TRPM1: variants seen among roughly 807,000 people sequenced by gnomAD.
The protein encoded by TRPM1 is transient receptor potential cation channel subfamily M member 1, also known as TRPM1-203 APA Isoform, Intron 10.
Under a neutral mutation model 149.4 loss-of-function variants are expected in TRPM1, and 113 were observed. That is an observed-to-expected ratio of 0.76 (90% CI 0.65 to 0.88). TRPM1 has a LOEUF of 0.88. Ranked by LOEUF, TRPM1 falls within the 40% of genes least tolerant of loss-of-function variation. TRPM1 has a pLI of 0.00. For missense variants in TRPM1, 1,976 were observed against 2,038.7 expected, an observed-to-expected ratio of 0.97 and a Z score of 0.59; for synonymous variants, 741 against 759.5, an observed-to-expected ratio of 0.98 and a Z score of 0.40.
At chr15:31,144,819 A>G (rs762119868) in intron 1 of TRPM1, among the ~76,000 whole-genome samples, 11 of 150,834 alleles carry the variant, frequency 7.3e-5, no homozygotes, top group South Asian at 6.3e-4. Flanking sequence ...GGGTTCAAGC[A>G]ATTCTCCTGC....
chr15:31,086,839 A>C (rs1321054308), intron 1 of TRPM1, among the ~76,000 whole-genome samples: 1 of 152,196 alleles, frequency 6.6e-6, no homozygotes. Flanking sequence ...TAAGCAATTA[A>C]TATTTAAAAT....
At chr15:31,117,663 A>ATACAC (rs869149260) in intron 1 of TRPM1, among the ~76,000 whole-genome samples, 78 of 47,102 alleles carry the variant, frequency 1.7e-3, no homozygotes, top group African/African-American at 4.7e-3. Context: ...AAAAAAAAAA[A>ATACAC]ATACACACAC....
chr15:31,090,139 C>T (rs1240995915), intron 1 of TRPM1, among the ~76,000 whole-genome samples: 4 of 152,156 alleles, frequency 2.6e-5, no homozygotes, highest in African/African-American at 9.7e-5. Context: ...GCGTTCCCTT[C>T]AGCTATTTCT....
intron 25 of TRPM1, 72 bp downstream of exon 25, chr15:31,028,260 C>T (rs890809926): frequency 3.3e-5 from 52 of 1,583,868 alleles, no homozygotes; most frequent in Admixed American, 1.2e-4. Context: ...ATCTTGGGAG[C>T]GTTCTGAGAT....
At position 31,067,937 on chromosome 15, in the gene TRPM1, G is replaced by T. The variant is rs774819442; in HGVS notation, c.435C>A (p.Gly145=). ...QPKLKQVFGK[G]LIKAAMTTGA... is the part of the protein sequence containing the mutation. ...CGGTGGTCATAGCAGCCTTGATCAGGCCTTTCCCAAAGACTTGTTTCAGCT... is the reference window on the plus strand; with the variant it reads ...CGGTGGTCATAGCAGCCTTGATCAGTCCTTTCCCAAAGACTTGTTTCAGCT... Residue 145 remains glycine (G), a synonymous_variant, in exon 5 of 28, where the codon GGC becomes GGA. Coordinates refer to ENST00000256552, the MANE Select transcript of TRPM1 (RefSeq NM_001252024.2). The T allele has an allele frequency of 2.5e-5, 41 of 1,613,956 alleles. No individual in the cohort carries two copies. The highest frequency in any genetic ancestry group is 3.5e-5 in the Non-Finnish European group (41 of 1,180,030).
At chr15:31,029,164 G>A (rs763224815) in intron 24 of TRPM1, among the ~76,000 whole-genome samples, 4 of 151,882 alleles carry the variant, frequency 2.6e-5, no homozygotes, top group Non-Finnish European at 5.9e-5. Context: ...TATCATAGGG[G>A]GTCTATTTCT....
In TRPM1 at chr15:31,060,546, G is replaced by T. The variant is rs141540242; in HGVS notation, c.1261C>A (p.Pro421Thr). 0.012 allele frequency: 18,891 copies of T among 1,613,682 alleles called. 141 individuals are homozygous for T. The highest frequency in any genetic ancestry group is 0.014 in the Non-Finnish European group (16,769 of 1,179,572). Residue 421 changes from proline to threonine, a missense_variant and splice_region_variant, in exon 11 of 28, where the codon CCG becomes ACG. Coordinates refer to ENST00000256552, the MANE Select transcript of TRPM1 (RefSeq NM_001252024.2). ...GAATCGAAAAAAAACAGTTTCACCGGCCAGTGGGGCCCAAAGACAAAGATC... is the reference window on the plus strand; with the variant it reads ...GAATCGAAAAAAAACAGTTTCACCGTCCAGTGGGGCCCAAAGACAAAGATC... ...SQIFVFGPHW[P>T]PLGSLAPPTD...
intron 24 of TRPM1, 64 bp downstream of exon 24, chr15:31,029,307 T>A (rs2140905867): frequency 6.5e-7 from 1 of 1,538,912 alleles, no homozygotes; most frequent in South Asian, 1.1e-5. Context: ...AGTAATCAGC[T>A]AAGGAAAAGG....
chr15:31,029,891 T>A (rs55788094), intron 23 of TRPM1, among the ~76,000 whole-genome samples: 4,776 of 148,944 alleles, frequency 0.032, 244 homozygotes, highest in African/African-American at 0.11. Context: ...CAATTTAATT[T>A]AAAAAAAAAA....
At chr15:31,089,087 AAAAC>A (rs998578804) in intron 1 of TRPM1, among the ~76,000 whole-genome samples, 5 of 152,214 alleles carry the variant, frequency 3.3e-5, no homozygotes, top group East Asian at 1.9e-4. Flanking sequence ...ATATTTTTAA[AAAAC>A]AAAAATCAAT....
At chr15:31,155,171 G>A (rs1172193993) in intron 1 of TRPM1, among the ~76,000 whole-genome samples, 1 of 152,094 alleles carries the variant, frequency 6.6e-6, no homozygotes, top group Non-Finnish European at 1.5e-5. Context: ...CTGGGTTCCA[G>A]CAACACTCTC....
At chr15:31,079,977 C>A (rs868030400) in intron 2 of TRPM1, among the ~76,000 whole-genome samples, 1 of 152,072 alleles carries the variant, frequency 6.6e-6, no homozygotes, top group South Asian at 2.1e-4. Context: ...GAAGGGGCTC[C>A]CAGTGGCTTT....
At position 31,002,687 on chromosome 15, in the gene TRPM1, A is replaced by C. The variant is rs866693497; in HGVS notation, c.4013T>G (p.Leu1338Arg). Residue 1338 changes from leucine (L) to arginine (R), a missense_variant, in exon 28 of 28, where the codon CTA becomes CGA. By Grantham distance (102) the Leu-to-Arg change is moderately radical (BLOSUM62 -2). Transcript: ENST00000256552. ...AAGACTGTTCTGACATTCTGGGACT[A>C]GGTGCGTTTTCACGTCCTTCTCTTC... ...IKEEKDVKTHLVPECQNSLHL... is the reference protein window; with the variant it reads ...IKEEKDVKTHRVPECQNSLHL... 2.8e-5 allele frequency: 46 copies of C among 1,614,104 alleles called. 6 individuals carry two copies. The Middle Eastern group carries it at 7.4e-3, about 260-fold the overall frequency.
chr15:31,088,746 G>C (rs746250960), intron 1 of TRPM1, among the ~76,000 whole-genome samples: 3 of 149,854 alleles, frequency 2.0e-5, no homozygotes, highest in Non-Finnish European at 4.4e-5. Flanking sequence ...TCGTCTTCCT[G>C]CTACCTGTGG....
intron 27 of TRPM1, among the ~76,000 whole-genome samples, chr15:31,021,819 T>C (rs2032561655): frequency 6.6e-6 from 1 of 151,978 alleles, no homozygotes; most frequent in South Asian, 2.1e-4. Context: ...GTTTAGCTCA[T>C]CTAAGACCCA....
At chr15:31,145,293 G>C (rs1169956362) in intron 1 of TRPM1, among the ~76,000 whole-genome samples, 1 of 152,190 alleles carries the variant, frequency 6.6e-6, no homozygotes, top group Non-Finnish European at 1.5e-5. Context: ...ACTTAAAGCT[G>C]TGGACAGCCT....
rs765837115 is a variant in TRPM1, at chr15:31,003,008, G to A, written c.3692C>T (p.Ser1231Phe). The A allele has an allele frequency of 6.3e-7, 1 of 1,595,630 alleles. No homozygotes were observed. Among genetic ancestry groups the A allele is most frequent in the Admixed American group, 1.8e-5 (1 of 55,258 alleles). Residue 1231 changes from serine to phenylalanine, a missense_variant, in exon 28 of 28, where the codon TCC (serine) becomes TTC (phenylalanine). Ser to Phe is a radical substitution (Grantham distance 155). Around this residue, in one of 3 missense-constraint regions of TRPM1, gnomAD observed 572 missense variants for 578.9 expected, o/e 0.99. Transcript: ENST00000256552. ...INERETFMKT[S>F]LQTVDLRLAQ... is the part of the protein sequence containing the mutation. ...AAGTCGAAGGTCAACAGTCTGCAGG[G>A]AAGTTTTCATAAAAGTTTCTCTTTC...
intron 8 of TRPM1, 96 bp from the exon 9 acceptor site, chr15:31,062,798 G>T: frequency 7.2e-7 from 1 of 1,393,756 alleles, no homozygotes; most frequent in Non-Finnish European, 1.0e-6. Flanking sequence ...AGACTTTGCT[G>T]TGGGAGGATA....
intron 1 of TRPM1, among the ~76,000 whole-genome samples, chr15:31,136,740 G>GC (rs60475500): frequency 0.29 from 41,164 of 140,544 alleles, 5,998 homozygotes; most frequent in African/African-American, 0.34. Flanking sequence ...TTCCTCAGCC[G>GC]CCCCCACCCT....
Sources: allele counts gnomAD v4.1 joint callset (sites outside exome capture counted in the v4.1 genomes callset), GRCh38; gene constraint gnomAD v4.1.1; regional missense constraint gnomAD v4.1.1; transcripts MANE v1.5; gene names NCBI Gene and HGNC (gene_info 2026-07-23, HGNC 2026-07-21).